ADAD2: variants seen among roughly 807,000 people sequenced by gnomAD.
ADAD2 encodes the protein adenosine deaminase domain containing 2.
Under a neutral mutation model 54.5 loss-of-function variants are expected in ADAD2, and 60 were observed. The observed-to-expected ratio is 1.10, with a 90% CI of 0.89 to 1.36. The LOEUF (loss-of-function observed/expected upper bound fraction) is 1.36, where lower values mean the gene tolerates loss of function less well. ADAD2 is among the 40% of genes most tolerant of loss of function. ADAD2 has a pLI of 0.00. For missense variants in ADAD2, 1,103 were observed against 801.3 expected (o/e 1.38, Z -4.54); for synonymous variants, 543 against 366.2 (o/e 1.48, Z -5.51).
Position 84,196,993 on chromosome 16 carries a change from C to G in ADAD2, c.*19C>G, listed in dbSNP as rs779147459. 6.4e-7 allele frequency: 1 copy of G among 1,572,172 alleles called. No homozygotes were observed. ...AAACTGAAGCCAGCCTCGGCGGGAC[C>G]GAGGTCCCGGAGCCAAGCTGTACCC... On this transcript the variant is annotated 3_prime_UTR_variant, in exon 10 of 10. Transcript: ENST00000315906.
In ADAD2 at chr16:84,191,339, G is replaced by C. The variant is rs964368895; in HGVS notation, c.109G>C (p.Ala37Pro). The C allele has an allele frequency of 5.1e-6, 8 of 1,574,832 alleles. No homozygotes were observed. Among genetic ancestry groups the C allele is most frequent in the Non-Finnish European group, 6.9e-6 (8 of 1,162,180 alleles). The change falls in exon 1 of 10, where the codon GCC becomes CCC. Residue 37 changes from alanine (A) to proline (P), a missense_variant. Coordinates refer to ENST00000315906, the MANE Select transcript of ADAD2 (RefSeq NM_001145400.2). ...GCCCCGCCCCTGGCGACCGCTACCC[G>C]CCCAGGCCCAAAGTGCCTGGGGGCC... ...PQPRPWRPLP[A>P]QAQSAWGPAP...
intron 1 of ADAD2, chr16:84,194,173 C>T (rs1237811018): frequency 6.3e-7 from 1 of 1,598,776 alleles, no homozygotes; most frequent in South Asian, 1.1e-5. Flanking sequence ...CCTGCCGTTT[C>T]TGCTCATCTG....
At chr16:84,194,039 A>G in intron 1 of ADAD2, 1 of 1,603,600 alleles carries the variant, frequency 6.2e-7, no homozygotes, top group Non-Finnish European at 8.5e-7. Flanking sequence ...CCTGGAGGAG[A>G]GGAATTGAAA....
Position 84,194,496 on chromosome 16 carries a change from C to G in ADAD2, c.473C>G (p.Ala158Gly), listed in dbSNP as rs537250511. ...GAACTGGATGGGGTGGTCTGCCCTG[C>G]GGGCACTGCGAATAGCAAGACGGAG... ...SAELDGVVCPAGTANSKTEAK... is the reference protein window; with the variant it reads ...SAELDGVVCPGGTANSKTEAK... The change falls in exon 2 of 10, where the codon GCG (alanine) becomes GGG (glycine). Residue 158 changes from alanine (A) to glycine (G), a missense_variant. Physicochemically the swap from Ala to Gly is moderately conservative, Grantham distance 60. Transcript: ENST00000315906. The G allele has an allele frequency of 1.2e-6, 2 of 1,611,872 alleles. No individual in the cohort carries two copies. The highest frequency in any genetic ancestry group is 2.2e-5 in the South Asian group (2 of 90,686).
chr16:84,195,976 T>C lies in ADAD2; in HGVS notation c.1214T>C (p.Val405Ala). Residue 405 changes from valine (V) to alanine (A), a missense_variant, in exon 7 of 10, where the codon GTG (valine) becomes GCG (alanine). Transcript: ENST00000315906. ...SASDKLARWA[V>A]LGLGGALLAH... ...AGTGACAAGCTGGCACGCTGGGCCG[T>C]GCTGGGGCTGGGTGGTGCCCTGCTG... The C allele has an allele frequency of 1.3e-6, 2 of 1,599,084 alleles. No homozygotes were observed. Among genetic ancestry groups the C allele is most frequent in the Non-Finnish European group, 1.7e-6 (2 of 1,179,616 alleles).
In ADAD2 at chr16:84,196,731, C is replaced by T. The variant is rs981928069; in HGVS notation, c.1611C>T (p.Pro537=). The T allele has an allele frequency of 1.2e-6, 2 of 1,613,008 alleles. No individual in the cohort carries two copies. Among genetic ancestry groups the T allele is most frequent in the Non-Finnish European group, 1.7e-6 (2 of 1,179,924 alleles). ...FHQAARAVGK[P]YLLALKTYEA... ...AGGCGGCCAGGGCTGTGGGGAAGCC[C>T]TACCTCCTGGCCTTGAAGACCTACG... is the stretch of plus-strand genomic sequence containing the variant. The change falls in exon 9 of 10, where the codon CCC becomes CCT. Residue 537 remains proline (P), a synonymous_variant. Coordinates refer to ENST00000315906, the MANE Select transcript of ADAD2 (RefSeq NM_001145400.2).
rs1319959831 is a variant in ADAD2 at position 84,196,275 on chromosome 16, C to T, written c.1431C>T (p.Pro477=). 7 of 1,612,850 alleles carry T rather than the reference C, an allele frequency of 4.3e-6. No homozygotes were observed. In the African/African-American group the frequency reaches 5.3e-5, roughly 12 times the overall value. The change falls in exon 8 of 10, where the codon CCC becomes CCT. Residue 477 remains proline (P), a synonymous_variant. Transcript: ENST00000315906. ...GGCCCCCGGTGGCCCCTTCCGAACC[C>T]ACCCCTGACACCTGCCGTGGCCTGA... ...FAGPPVAPSE[P]TPDTCRGLSL...
At position 84,191,796 on chromosome 16, in the gene ADAD2, G is replaced by C. The variant is rs531532957; in HGVS notation, c.418+148G>C. The C allele has an allele frequency of 3.3e-4, 399 of 1,207,240 alleles. 1 individual carries two copies. In the African/African-American group the frequency reaches 5.6e-3, roughly 17 times the overall value. 74.8% of individuals were successfully genotyped at this position (1,207,240 alleles called of 1,614,324 possible). A position where few individuals can be genotyped will look rare whatever the true frequency, so the allele number is the denominator to read the frequency against. The stretch of plus-strand genomic sequence containing the variant: ...CGGAGCAGGACCTGGCCTGAGCTTG[G>C]GACCTTGGGGTGGACCCTGCTGTGA... On this transcript the variant is annotated intron_variant, in intron 1 of 9. Coordinates refer to ENST00000315906, the MANE Select transcript of ADAD2 (RefSeq NM_001145400.2).
Position 84,197,107 on chromosome 16 carries a change from T to C in ADAD2, c.*133T>C, listed in dbSNP as rs1265534497. 3.3e-6 allele frequency: 3 copies of C among 906,426 alleles called. No homozygotes were observed. Among genetic ancestry groups the C allele is most frequent in the South Asian group, 3.3e-5 (2 of 60,718 alleles). The allele number at this position is 906,426 out of a possible 1,614,324, so 56.1% of individuals were successfully genotyped here. ...CTGGGGCTGGAGGGAAGGAGGAGCCTGCTGTGGTTGGGAGGCGGCTGCTGC... is the reference window on the plus strand; with the variant it reads ...CTGGGGCTGGAGGGAAGGAGGAGCCCGCTGTGGTTGGGAGGCGGCTGCTGC... On this transcript the variant is annotated 3_prime_UTR_variant, in exon 10 of 10. Coordinates refer to ENST00000315906, the MANE Select transcript of ADAD2 (RefSeq NM_001145400.2).
In ADAD2 at chr16:84,195,583, A is replaced by T; in HGVS notation, c.938A>T (p.Glu313Val). 1 of 1,604,052 alleles carries T rather than the reference A, an allele frequency of 6.2e-7. No individual in the cohort carries two copies. Among genetic ancestry groups the T allele is most frequent in the Non-Finnish European group, 8.5e-7 (1 of 1,175,508 alleles). ...ACACAGGGGGGCCCCAAGGGCAAGG[A>T]GCAGTCCGTGCTGGCCCCCCAGCCA... is the stretch of plus-strand genomic sequence containing the variant. ...LATQGGPKGK[E>V]QSVLAPQPGP... The change falls in exon 6 of 10, where the codon GAG becomes GTG. Residue 313 changes from glutamate (E) to valine (V), a missense_variant. Glu to Val is a moderately radical substitution (Grantham distance 121). Coordinates refer to ENST00000315906, the MANE Select transcript of ADAD2 (RefSeq NM_001145400.2).
chr16:84,192,207 C>T (rs1356534232), intron 1 of ADAD2, among the ~76,000 whole-genome samples: 1 of 152,196 alleles, frequency 6.6e-6, no homozygotes, highest in Non-Finnish European at 1.5e-5. Context: ...TGCGGTGGAA[C>T]AAGCTTGCCT....
At chr16:84,196,435 C>A in intron 8 of ADAD2, 65 bp downstream of exon 8, 1 of 1,566,044 alleles carries the variant, frequency 6.4e-7, no homozygotes, top group East Asian at 2.2e-5. Flanking sequence ...CATGCATGAG[C>A]TTCCTCACCT....
rs780725961 is a variant in ADAD2 at position 84,196,777 on chromosome 16, C to G, written c.1647+10C>G. On this transcript the variant is annotated intron_variant, in intron 9 of 9. Coordinates refer to ENST00000315906, the MANE Select transcript of ADAD2 (RefSeq NM_001145400.2). ...CTACGAGGCTGCCAAGGTTGGTTCC[C>G]CACCCTCCCCCCGTCCCGGTCCCTC... 1.4e-5 allele frequency: 22 copies of G among 1,605,198 alleles called. No homozygotes were observed. The highest frequency in any genetic ancestry group is 2.2e-5 in the East Asian group (1 of 44,694).
chr16:84,195,220 T>TGGCCCC (rs748930890), intron 4 of ADAD2, 26 bp downstream of exon 4: 66 of 1,610,466 alleles, frequency 4.1e-5, no homozygotes, highest in African/African-American at 2.0e-4. Context: ...GCCCTGGCCC[T>TGGCCCC]GGCCCCGGCC....
chr16:84,196,213 C>A lies in ADAD2; in HGVS notation c.1369C>A (p.Pro457Thr). The change falls in exon 8 of 10, where the codon CCT (proline) becomes ACT (threonine). Residue 457 changes from proline to threonine, a missense_variant. Physicochemically the swap from Pro to Thr is conservative, Grantham distance 38 (BLOSUM62 -1). Transcript: ENST00000315906. ...CAGTGTCCTGGGGCCATGCCTGCCA[C>A]CTCCCTACGTCCGGACCGCCCTGCA... Reference protein sequence around the residue: ...LDSVLGPCLPPPYVRTALHLF... With the variant: ...LDSVLGPCLPTPYVRTALHLF... The A allele has an allele frequency of 3.1e-6, 5 of 1,610,790 alleles. No homozygotes were observed. Among genetic ancestry groups the A allele is most frequent in the Non-Finnish European group, 4.2e-6 (5 of 1,179,910 alleles).
rs139984142 is a variant in ADAD2, at chr16:84,194,500, C to T, written c.477C>T (p.Gly159=). The T allele has an allele frequency of 3.4e-5, 55 of 1,612,196 alleles. No homozygotes were observed. The highest frequency in any genetic ancestry group is 4.4e-5 in the Non-Finnish European group (52 of 1,179,732). Residue 159 remains glycine, a synonymous_variant, in exon 2 of 10, where the codon GGC becomes GGT. Transcript: ENST00000315906. ...TGGATGGGGTGGTCTGCCCTGCGGG[C>T]ACTGCGAATAGCAAGACGGAGGCCA... The part of the protein sequence containing the change: ...AELDGVVCPA[G]TANSKTEAKQ...
rs375514079 is a variant in ADAD2, at chr16:84,194,936, C to G, written c.563C>G (p.Ser188Cys). ...CCGCCCTCCTTGCCTCTTTCAGAGTCCCCCCAGACCTCCAGCCGGCCTCCA... is the reference window on the plus strand; with the variant it reads ...CCGCCCTCCTTGCCTCTTTCAGAGTGCCCCCAGACCTCCAGCCGGCCTCCA... Reference protein sequence around the residue: ...YIRSQLENPESPQTSSRPPLA... With the variant: ...YIRSQLENPECPQTSSRPPLA... Residue 188 changes from serine (S) to cysteine (C), a missense_variant, in exon 3 of 10, where the codon TCC becomes TGC. Transcript: ENST00000315906. 2 of 1,606,264 alleles carry G rather than the reference C, an allele frequency of 1.2e-6. No homozygotes were observed. The highest frequency in any genetic ancestry group is 1.7e-4 in the Middle Eastern group (1 of 6,006).
chr16:84,195,136 C>G lies in ADAD2; in HGVS notation c.675C>G (p.Asp225Glu), dbSNP rs148697513. The G allele has an allele frequency of 6.2e-7, 1 of 1,613,600 alleles. No homozygotes were observed. Among genetic ancestry groups the G allele is most frequent in the Non-Finnish European group, 8.5e-7 (1 of 1,180,008 alleles). Reference sequence around the variant, plus strand: ...GCGCCGGCTTTGACCTCCTGTTGGACGAGCGCTCGCCATACTGGGCCTGTA... The same window carrying G: ...GCGCCGGCTTTGACCTCCTGTTGGAGGAGCGCTCGCCATACTGGGCCTGTA... ...LVSAGFDLLL[D>E]ERSPYWACKG... The change falls in exon 4 of 10, where the codon GAC becomes GAG. Residue 225 changes from aspartate to glutamate, a missense_variant. Asp to Glu is a conservative substitution (Grantham distance 45). Coordinates refer to ENST00000315906, the MANE Select transcript of ADAD2 (RefSeq NM_001145400.2).
Position 84,196,172 on chromosome 16 carries a change from C to T in ADAD2, c.1328C>T (p.Thr443Ile), listed in dbSNP as rs1432098708. 1.2e-6 allele frequency: 2 copies of T among 1,607,596 alleles called. No homozygotes were observed. The highest frequency in any genetic ancestry group is 2.2e-5 in the South Asian group (2 of 91,080). ...DPPTLSRAIH[T>I]RPCLDSVLGP... ...CCGACTCTGAGCAGGGCCATCCACA[C>T]CCGGCCCTGCCTGGACAGTGTCCTG... is the stretch of plus-strand genomic sequence containing the variant. Residue 443 changes from threonine (T) to isoleucine (I), a missense_variant, in exon 8 of 10, where the codon ACC becomes ATC. Coordinates refer to ENST00000315906, the MANE Select transcript of ADAD2 (RefSeq NM_001145400.2).
Sources: allele counts gnomAD v4.1 joint callset (sites outside exome capture counted in the v4.1 genomes callset), GRCh38; gene constraint gnomAD v4.1.1; transcripts MANE v1.5; gene names NCBI Gene and HGNC (gene_info 2026-07-23, HGNC 2026-07-21).